The following TAFA1 variants were observed in gnomAD, a reference collection of about 807,000 sequenced individuals.
TAFA1 encodes the protein TAFA chemokine like family member 1, also known as chemokine-like protein TAFA-1.
TAFA1 carries 4 observed loss-of-function variants against 18.5 expected under a neutral mutation model. The ratio of observed to expected loss-of-function variants is 0.22; its 90% CI spans 0.11 to 0.49. TAFA1 has a LOEUF of 0.49. Among genes scored for constraint, TAFA1 ranks in the 20% least tolerant of loss-of-function variants. The pLI, the probability that TAFA1 is intolerant of heterozygous loss-of-function variation, is 0.98. For synonymous variants in TAFA1, 56 were observed against 55.2 expected (o/e 1.01, Z -0.06); for missense variants, 147 against 169.0 (o/e 0.87, Z 0.72).
chr3:68,170,745 C>T (rs1286015198), intron 2 of TAFA1, among the ~76,000 whole-genome samples: 2 of 151,730 alleles, frequency 1.3e-5, no homozygotes, highest in African/African-American at 2.4e-5. Flanking sequence ...TCAACAGAGG[C>T]TGGAGGATTT....
intron 3 of TAFA1, among the ~76,000 whole-genome samples, chr3:68,450,912 A>C (rs751795329): frequency 7.2e-5 from 11 of 152,190 alleles, no homozygotes; most frequent in Non-Finnish European, 1.6e-4. Context: ...TGAAACTACA[A>C]TCTTATGAGA....
At chr3:68,524,679 G>GTT (rs368078839) in intron 3 of TAFA1, among the ~76,000 whole-genome samples, 57 of 149,976 alleles carry the variant, frequency 3.8e-4, no homozygotes, top group African/African-American at 2.5e-4. Flanking sequence ...TTTTGTTTTT[G>GTT]TTTTTTTTTG....
intron 2 of TAFA1, among the ~76,000 whole-genome samples, chr3:68,139,482 G>A (rs1374119908): frequency 6.6e-6 from 1 of 151,950 alleles, no homozygotes; most frequent in Non-Finnish European, 1.5e-5. Context: ...GGGCACAGTG[G>A]GTCTTGTTAT....
intron 2 of TAFA1, among the ~76,000 whole-genome samples, chr3:68,130,979 G>A (rs2065529189): frequency 6.6e-6 from 1 of 152,116 alleles, no homozygotes; most frequent in South Asian, 2.1e-4. Flanking sequence ...CCTCCCCAGT[G>A]TCAAAGACAA....
intron 2 of TAFA1, among the ~76,000 whole-genome samples, chr3:68,358,087 G>A (rs1409206862): frequency 6.6e-6 from 1 of 151,890 alleles, no homozygotes; most frequent in Admixed American, 6.6e-5. Flanking sequence ...CAACAAGGCT[G>A]TTTATTCTTA....
upstream of TAFA1, among the ~76,000 whole-genome samples, chr3:68,001,116 A>G (rs1291352040): frequency 6.6e-6 from 1 of 152,228 alleles, no homozygotes; most frequent in African/African-American, 2.4e-5. Flanking sequence ...ATAAAAATAT[A>G]CATGTATTGC....
At chr3:68,223,723 T>C (rs1399615151) in intron 2 of TAFA1, among the ~76,000 whole-genome samples, 1 of 152,100 alleles carries the variant, frequency 6.6e-6, no homozygotes, top group Non-Finnish European at 1.5e-5. Flanking sequence ...AGTGGCAGGG[T>C]CTTTTCAGTA....
At chr3:68,482,693 C>A (rs13068116) in intron 3 of TAFA1, among the ~76,000 whole-genome samples, 27,778 of 152,076 alleles carry the variant, frequency 0.18, 2,652 homozygotes, top group Non-Finnish European at 0.2. Context: ...CTATGGACTT[C>A]ACCCAGCAGG....
At chr3:68,162,179 G>T (rs556205144) in intron 2 of TAFA1, among the ~76,000 whole-genome samples, 22 of 152,152 alleles carry the variant, frequency 1.4e-4, no homozygotes, top group South Asian at 2.1e-4. Context: ...AGGATCAAAG[G>T]TTCCTCAACT....
upstream of TAFA1, among the ~76,000 whole-genome samples, chr3:68,000,037 C>T (rs1317542365): frequency 6.6e-6 from 1 of 152,186 alleles, no homozygotes; most frequent in Non-Finnish European, 1.5e-5. Context: ...CATCTGCCCG[C>T]CTCGGCCTCC....
chr3:68,052,109 A>T (rs987597599), intron 2 of TAFA1, among the ~76,000 whole-genome samples: 2 of 152,140 alleles, frequency 1.3e-5, no homozygotes, highest in African/African-American at 4.8e-5. Flanking sequence ...TGATTTCATG[A>T]TTTTTGAAAT....
chr3:68,249,037 T>G (rs1343232761), intron 2 of TAFA1, among the ~76,000 whole-genome samples: 1 of 152,024 alleles, frequency 6.6e-6, no homozygotes, highest in Non-Finnish European at 1.5e-5. Flanking sequence ...TGGCTCTGGG[T>G]CTCTTCTTCA....
intron 2 of TAFA1, among the ~76,000 whole-genome samples, chr3:68,051,793 G>A (rs765220933): frequency 2.3e-4 from 35 of 150,942 alleles, no homozygotes; most frequent in Non-Finnish European, 4.3e-4. Flanking sequence ...GGTGAGAAGT[G>A]TTTTTTTTTA....
chr3:68,277,114 T>C (rs1352829855), intron 2 of TAFA1, among the ~76,000 whole-genome samples: 5 of 152,112 alleles, frequency 3.3e-5, no homozygotes, highest in Non-Finnish European at 5.9e-5. Flanking sequence ...ATATAAGTTA[T>C]CTCCTTATGT....
chr3:68,475,318 C>A (rs1446143162), intron 3 of TAFA1, among the ~76,000 whole-genome samples: 2 of 151,378 alleles, frequency 1.3e-5, no homozygotes, highest in African/African-American at 4.9e-5. Flanking sequence ...CATCCCCCCA[C>A]CCCACAACAG....
chr3:68,518,654 C>T lies in TAFA1; in HGVS notation c.260-20102C>T, dbSNP rs986086803. Reference sequence around the variant, plus strand: ...CTAGGCATTCTGGGAATCAAAGTCCCCAAACCAACTAATTGGCTGTTTCGT... The same window carrying T: ...CTAGGCATTCTGGGAATCAAAGTCCTCAAACCAACTAATTGGCTGTTTCGT... On this transcript the variant is annotated intron_variant, in intron 3 of 4. Transcript: ENST00000478136. Among the ~76,000 whole-genome samples, 60 of 152,108 alleles carry T rather than the reference C, an allele frequency of 3.9e-4. 1 individual carries two copies. The highest frequency in any genetic ancestry group is 3.9e-3 in the Admixed American group (60 of 15,264).
intron 2 of TAFA1, among the ~76,000 whole-genome samples, chr3:68,236,236 C>T (rs1376471322): frequency 6.6e-6 from 1 of 152,198 alleles, no homozygotes; most frequent in Non-Finnish European, 1.5e-5. Context: ...TTTCATTATT[C>T]ATACCTCTAG....
At chr3:68,450,211 T>C (rs753146347) in intron 3 of TAFA1, among the ~76,000 whole-genome samples, 3 of 151,890 alleles carry the variant, frequency 2.0e-5, no homozygotes, top group Non-Finnish European at 4.4e-5. Flanking sequence ...AGGAAAAGAG[T>C]GATTTGCCTA....
At chr3:68,306,537 C>T (rs763434921) in intron 2 of TAFA1, among the ~76,000 whole-genome samples, 16 of 152,170 alleles carry the variant, frequency 1.1e-4, no homozygotes, top group Non-Finnish European at 1.9e-4. Context: ...AATTTACATG[C>T]TGTCAAAAAT....
Sources: allele counts gnomAD v4.1 joint callset (sites outside exome capture counted in the v4.1 genomes callset), GRCh38; gene constraint gnomAD v4.1.1; transcripts MANE v1.5; gene names NCBI Gene and HGNC (gene_info 2026-07-23, HGNC 2026-07-21).